KIF2A: variants seen among roughly 807,000 people sequenced by gnomAD.
KIF2A encodes kinesin family member 2A.
A neutral mutation model predicts 100.2 loss-of-function variants in KIF2A; 22 were observed. The observed-to-expected ratio is 0.22, with a 90% confidence interval of 0.16 to 0.31. The LOEUF is 0.31. Ranked by LOEUF, KIF2A falls within the 10% of genes least tolerant of loss-of-function variation. The probability of loss-of-function intolerance (pLI) is 1.00; values close to 1 mark genes in which losing one functional copy is unlikely to be tolerated. For missense variants in KIF2A, 495 were observed against 898.7 expected (o/e 0.55, Z 5.74); for synonymous variants, 268 against 285.9 (o/e 0.94, Z 0.63).
chr5:62,358,395 GTGCAATA>G (rs1362732863), intron 9 of KIF2A, 96 bp downstream of exon 9: 1 of 737,810 alleles, frequency 1.4e-6, no homozygotes. Context: ...TTCTTAAGAG[GTGCAATA>G]TGCTGTTTTA....
At chr5:62,336,902 A>G (rs753037980) in intron 1 of KIF2A, among the ~76,000 whole-genome samples, 7 of 152,346 alleles carry the variant, frequency 4.6e-5, no homozygotes, top group Admixed American at 1.3e-4. Flanking sequence ...AAGTTTACCA[A>G]AATACTAGGA....
intron 3 of KIF2A, 55 bp downstream of exon 3, chr5:62,348,222 T>C (rs937891761): frequency 1.3e-6 from 2 of 1,576,498 alleles, no homozygotes; most frequent in Non-Finnish European, 1.7e-6. Context: ...GAGTTGTAGA[T>C]GTGTGTGTGT....
rs1745266524 is a variant in KIF2A at position 62,306,368 on chromosome 5, CCGCGG to C, written c.-104_-100del. 1 of 938,166 alleles carries C rather than the reference CCGCGG, an allele frequency of 1.1e-6. No individual in the cohort carries two copies. The highest frequency in any genetic ancestry group is 1.6e-6 in the Non-Finnish European group (1 of 613,466). The allele number at this position is 938,166 out of a possible 1,614,324, so 58.1% of individuals were successfully genotyped here. ...CACGCTGTCGCCCGGGCCGGCGCGGCCGCGGGCAACCGCTCCCCCTCCCACACCTA... is the reference window on the plus strand; with the variant it reads ...CACGCTGTCGCCCGGGCCGGCGCGGCGCAACCGCTCCCCCTCCCACACCTA... On this transcript the variant is annotated 5_prime_UTR_variant, in exon 1 of 21. Transcript: ENST00000407818.
intron 20 of KIF2A, among the ~76,000 whole-genome samples, chr5:62,382,877 T>C (rs1311589140): frequency 6.6e-6 from 1 of 151,754 alleles, no homozygotes. Context: ...TCCACCTGCC[T>C]CGGCCTCCCA....
chr5:62,350,286 T>G lies in KIF2A; in HGVS notation c.334+166T>G, dbSNP rs569971878. 2.3e-4 allele frequency among the ~76,000 whole-genome samples: 33 copies of G among 143,982 alleles called. No homozygotes were observed. The Middle Eastern group carries it at 0.01, about 45-fold the overall frequency. The allele number at this position is 143,982 out of a possible 152,430, so 94.5% of individuals were successfully genotyped here. The stretch of plus-strand genomic sequence containing the variant: ...TTTTGTTTTGTTTTTTGTTTTTTGG[T>G]TTTTTTTTTGAGACAGGGTCTTGCT... On this transcript the variant is annotated intron_variant, in intron 4 of 20. Coordinates refer to ENST00000407818, the MANE Select transcript of KIF2A (RefSeq NM_001098511.3).
chr5:62,366,431 A>G lies in KIF2A; in HGVS notation c.1596A>G (p.Pro532=). The stretch of plus-strand genomic sequence containing the variant: ...TCCTGTAGATTGCCACAATCTCTCC[A>G]GGAATGGCATCCTGTGAAAATACTC... ...SRTCMIATIS[P]GMASCENTLN... is the part of the protein sequence containing the mutation. Residue 532 remains proline (P), a synonymous_variant, in exon 16 of 21, where the codon CCA becomes CCG. Coordinates refer to ENST00000407818, the MANE Select transcript of KIF2A (RefSeq NM_001098511.3). 2 of 1,579,996 alleles carry G rather than the reference A, an allele frequency of 1.3e-6. No homozygotes were observed. The highest frequency in any genetic ancestry group is 2.3e-5 in the East Asian group (1 of 44,330).
intron 1 of KIF2A, among the ~76,000 whole-genome samples, chr5:62,343,206 T>C (rs1276884836): frequency 6.6e-6 from 1 of 152,222 alleles, no homozygotes; most frequent in Non-Finnish European, 1.5e-5. Context: ...GTCTCTGAAA[T>C]TGAAGTAAGG....
At chr5:62,341,427 AGTTGCT>A (rs1487093056) in intron 1 of KIF2A, among the ~76,000 whole-genome samples, 7 of 151,770 alleles carry the variant, frequency 4.6e-5, no homozygotes, top group Non-Finnish European at 8.8e-5. Context: ...CAGCCTCCCA[AGTTGCT>A]GGGCCTGTAG....
rs139244751 is a variant in KIF2A, at chr5:62,367,021, AT to A, written c.1646+541del. Among the ~76,000 whole-genome samples the A allele has an allele frequency of 5.8e-3, 885 of 152,236 alleles. 5 individuals carry two copies. The highest frequency in any genetic ancestry group is 0.011 in the Admixed American group (167 of 15,284). On this transcript the variant is annotated intron_variant, in intron 16 of 20. Transcript: ENST00000407818. ...TAACTTTAGTAAAGTTGGTCTTTTT[AT>A]CCTAGAACAAGGTTTCCATTTCACT...
rs190390548 is a variant in KIF2A, at chr5:62,335,441, T to C, written c.65-11689T>C. Among the ~76,000 whole-genome samples the C allele has an allele frequency of 4.4e-3, 673 of 152,074 alleles. 3 individuals carry two copies. The highest frequency in any genetic ancestry group is 7.7e-3 in the Non-Finnish European group (521 of 68,026). On this transcript the variant is annotated intron_variant, in intron 1 of 20. Transcript: ENST00000407818. ...GCCACTCTGTCCCTCAGATCCTCTT[T>C]GTAGCATGAACGAAGGAGCCCAAAA... is the stretch of plus-strand genomic sequence containing the variant.
intron 1 of KIF2A, among the ~76,000 whole-genome samples, chr5:62,317,669 A>G (rs1185931075): frequency 6.6e-6 from 1 of 152,124 alleles, no homozygotes; most frequent in Non-Finnish European, 1.5e-5. Flanking sequence ...TTTCCTTTCT[A>G]GGGTATACTT....
At chr5:62,307,665 T>A (rs934970519) in intron 1 of KIF2A, among the ~76,000 whole-genome samples, 1 of 151,170 alleles carries the variant, frequency 6.6e-6, no homozygotes, top group Admixed American at 6.6e-5. Flanking sequence ...TCACCCAGGC[T>A]GGAGTGCAGT....
At chr5:62,308,138 A>G (rs1240199250) in intron 1 of KIF2A, among the ~76,000 whole-genome samples, 1 of 152,252 alleles carries the variant, frequency 6.6e-6, no homozygotes, top group African/African-American at 2.4e-5. Flanking sequence ...GTAACAACTG[A>G]AACCATCGTT....
chr5:62,341,357 G>A (rs934241170), intron 1 of KIF2A, among the ~76,000 whole-genome samples: 6 of 151,628 alleles, frequency 4.0e-5, no homozygotes, highest in Non-Finnish European at 5.9e-5. Flanking sequence ...CTGGAGTGCC[G>A]TGGCACAATC....
chr5:62,369,675 AT>A (rs34109812), intron 16 of KIF2A, among the ~76,000 whole-genome samples: 40 of 150,178 alleles, frequency 2.7e-4, no homozygotes, highest in Non-Finnish European at 4.6e-4. Context: ...AGAGTCAGTA[AT>A]TTTTTTTTTT....
chr5:62,361,628 G>C (rs1463700187), intron 11 of KIF2A, 99 bp downstream of exon 11: 1 of 699,448 alleles, frequency 1.4e-6, no homozygotes, highest in Non-Finnish European at 2.5e-6. Context: ...CAACTATAAT[G>C]CTATATTAAC....
intron 14 of KIF2A, 83 bp from the exon 15 acceptor site, chr5:62,365,159 GT>G (rs1741005744): frequency 1.6e-6 from 1 of 634,690 alleles, no homozygotes; most frequent in Non-Finnish European, 2.7e-6. Context: ...TCAAGTTGTA[GT>G]AAGAGACCTT....
In KIF2A at chr5:62,390,261, T is replaced by C. The variant is rs1418237647; in HGVS notation, c.*4692T>C. Among the ~76,000 whole-genome samples, 1 of 152,222 alleles carries C rather than the reference T, an allele frequency of 6.6e-6. No individual in the cohort carries two copies. The highest frequency in any genetic ancestry group is 2.4e-5 in the African/African-American group (1 of 41,452). On this transcript the variant is annotated 3_prime_UTR_variant, in exon 21 of 21. Transcript: ENST00000407818. ...ATTACCTGGGTAATTAATTGAAGCC[T>C]TATTCTGTTTTCATAAGACTTACTT... is the stretch of plus-strand genomic sequence containing the variant.
In KIF2A at chr5:62,362,447, C is replaced by T; in HGVS notation, c.1028-3C>T. On this transcript the variant is annotated splice_region_variant and splice_polypyrimidine_tract_variant and intron_variant, in intron 11 of 20. Coordinates refer to ENST00000407818, the MANE Select transcript of KIF2A (RefSeq NM_001098511.3). ...AATTTTCTGTATATGAAATTTTTGA[C>T]AGCTCGAGATGTCTTTTTAATGCTA... 1 of 1,388,728 alleles carries T rather than the reference C, an allele frequency of 7.2e-7. No individual in the cohort carries two copies. The highest frequency in any genetic ancestry group is 9.4e-7 in the Non-Finnish European group (1 of 1,062,988). 86.0% of individuals were successfully genotyped at this position (1,388,728 alleles called of 1,614,324 possible).
Sources: gnomAD v4.1 joint callset for allele counts (sites outside exome capture counted in the v4.1 genomes callset) on GRCh38, gnomAD v4.1.1 for gene constraint, MANE v1.5 for transcripts, NCBI Gene and HGNC (gene_info 2026-07-23, HGNC 2026-07-21) for gene names.